RBFOX3: variants seen among roughly 807,000 people sequenced by gnomAD.
The protein encoded by RBFOX3 is RNA binding protein fox-1 homolog 3.
A neutral mutation model predicts 48.7 loss-of-function variants in RBFOX3; 17 were observed. That is an observed-to-expected ratio of 0.35 (90% CI 0.24 to 0.52). The LOEUF (loss-of-function observed/expected upper bound fraction) is 0.52, where lower values mean the gene tolerates loss of function less well. RBFOX3 is among the 20% of genes least tolerant of loss of function. The pLI, the probability that RBFOX3 is intolerant of heterozygous loss-of-function variation, is 0.94. For synonymous variants in RBFOX3, 212 were observed against 209.5 expected (o/e 1.01, Z -0.10); for missense variants, 382 against 497.5 (o/e 0.77, Z 2.21).
At chr17:79,248,174 A>G (rs2063434497) in intron 3 of RBFOX3, among the ~76,000 whole-genome samples, 1 of 152,124 alleles carries the variant, frequency 6.6e-6, no homozygotes, top group African/African-American at 2.4e-5. Flanking sequence ...ACAAACCCCA[A>G]GAAGACTTCT....
chr17:79,337,941 ATT>A (rs1159109203), intron 2 of RBFOX3, among the ~76,000 whole-genome samples: 5 of 139,860 alleles, frequency 3.6e-5, no homozygotes, highest in Non-Finnish European at 3.1e-5. Flanking sequence ...ACTTCTCCAG[ATT>A]TTTTTTTTTT....
In RBFOX3 at chr17:79,477,257, TAAA is replaced by T. The variant is rs138984353; in HGVS notation, c.-175+5194_-175+5196del. The stretch of plus-strand genomic sequence containing the variant: ...CAAAAAAAAATAAATAAAGATAAAT[TAAA>T]AAAAAAAAAAAAAAAAGAGGGCGCG... On this transcript the variant is annotated intron_variant, in intron 2 of 14. Coordinates refer to ENST00000693108, the MANE Select transcript of RBFOX3 (RefSeq NM_001350451.2). This position sits in a 1 kb window ranked among gnomAD's most constrained non-coding sequence, Gnocchi z 4.8. Among the ~76,000 whole-genome samples, 3 of 113,314 alleles carry T rather than the reference TAAA, an allele frequency of 2.6e-5. No homozygotes were observed. Among genetic ancestry groups the T allele is most frequent in the African/African-American group, 3.5e-5 (1 of 28,596 alleles). 74.3% of individuals were successfully genotyped at this position (113,314 alleles called of 152,430 possible). A position where few individuals can be genotyped will look rare whatever the true frequency, so the allele number is the denominator to read the frequency against.
At chr17:79,619,746 G>C in the RBFOX3 span, among the ~76,000 whole-genome samples, 150,510 of 152,138 alleles carry the variant, frequency 0.99, 74,469 homozygotes, top group Non-Finnish European at 1. Flanking sequence ...TCCACGTCCC[G>C]GACGGACAGG....
At chr17:79,258,540 C>G (rs4789876) in intron 3 of RBFOX3, among the ~76,000 whole-genome samples, 140,074 of 152,230 alleles carry the variant, frequency 0.92, 64,727 homozygotes, top group East Asian at 1. Context: ...GGTTCCCCAG[C>G]CTGGATGGAG....
chr17:79,553,773 C>T (rs1253796817), intron 1 of RBFOX3, among the ~76,000 whole-genome samples: 1 of 151,928 alleles, frequency 6.6e-6, no homozygotes, highest in Non-Finnish European at 1.5e-5. Context: ...CTCTCTGTTG[C>T]CCAGGCTGGA....
chr17:79,341,965 C>T (rs963457319), intron 2 of RBFOX3, among the ~76,000 whole-genome samples: 1 of 152,202 alleles, frequency 6.6e-6, no homozygotes, highest in Admixed American at 6.5e-5. Context: ...TGGCTTTGGC[C>T]CCCAAGGCTG....
intron 4 of RBFOX3, among the ~76,000 whole-genome samples, chr17:79,201,841 G>A (rs572926862): frequency 1.2e-4 from 19 of 152,284 alleles, no homozygotes; most frequent in African/African-American, 4.6e-4. Context: ...GGAGATTGAC[G>A]AAGAGCCTGG....
intron 4 of RBFOX3, among the ~76,000 whole-genome samples, chr17:79,206,448 GAC>G (rs1281315330): frequency 1.3e-5 from 2 of 152,174 alleles, no homozygotes; most frequent in African/African-American, 2.4e-5. Context: ...CTCATTGAGA[GAC>G]ACAGCACTGA....
intron 4 of RBFOX3, among the ~76,000 whole-genome samples, chr17:79,157,322 A>G (rs1430429356): frequency 6.6e-6 from 1 of 152,168 alleles, no homozygotes; most frequent in Non-Finnish European, 1.5e-5. Flanking sequence ...AAGAGCCCAC[A>G]GTTGTCCATC....
At chr17:79,458,034 T>A (rs1337766444) in intron 2 of RBFOX3, among the ~76,000 whole-genome samples, 1 of 152,188 alleles carries the variant, frequency 6.6e-6, no homozygotes. Flanking sequence ...CTCGCAATCA[T>A]GCAACCAGGC....
chr17:79,290,275 T>C (rs566398605), intron 3 of RBFOX3, among the ~76,000 whole-genome samples: 1 of 151,704 alleles, frequency 6.6e-6, no homozygotes, highest in East Asian at 1.9e-4. Flanking sequence ...AAGGAAGGAA[T>C]GAGAGGCAGG....
upstream of RBFOX3, among the ~76,000 whole-genome samples, chr17:79,611,186 T>TCG (rs2093965744): frequency 1.4e-4 from 2 of 13,930 alleles, no homozygotes; most frequent in Non-Finnish European, 2.6e-3. Flanking sequence ...GCCCTCCTTC[T>TCG]CTCTCTCTCT....
intron 6 of RBFOX3, among the ~76,000 whole-genome samples, chr17:79,104,555 G>A (rs1220356575): frequency 6.6e-6 from 1 of 152,212 alleles, no homozygotes; most frequent in Non-Finnish European, 1.5e-5. Flanking sequence ...TTACAGTGGG[G>A]ATAGGGTACC....
intron 4 of RBFOX3, among the ~76,000 whole-genome samples, chr17:79,160,862 C>T (rs1280662823): frequency 6.6e-6 from 1 of 151,914 alleles, no homozygotes; most frequent in Non-Finnish European, 1.5e-5. Flanking sequence ...CACCTGTAAT[C>T]CCAACTACTT....
At chr17:79,268,693 C>T (rs1472754237) in intron 3 of RBFOX3, among the ~76,000 whole-genome samples, 1 of 152,210 alleles carries the variant, frequency 6.6e-6, no homozygotes, top group Non-Finnish European at 1.5e-5. Context: ...TGACCCATGG[C>T]TCTGGCATCC....
intron 3 of RBFOX3, among the ~76,000 whole-genome samples, chr17:79,266,474 GCTAAGTTT>G (rs2066727813): frequency 6.6e-6 from 1 of 152,202 alleles, no homozygotes; most frequent in Non-Finnish European, 1.5e-5. Context: ...GGAATTGTTT[GCTAAGTTT>G]CTGTGTTCTG....
At chr17:79,192,940 G>C (rs1041835895) in intron 4 of RBFOX3, among the ~76,000 whole-genome samples, 1 of 152,222 alleles carries the variant, frequency 6.6e-6, no homozygotes, top group Non-Finnish European at 1.5e-5. Context: ...GACCCCCAGA[G>C]GGAAGCAGGC....
chr17:79,226,996 C>T (rs578255891), intron 4 of RBFOX3, among the ~76,000 whole-genome samples: 66 of 152,284 alleles, frequency 4.3e-4, no homozygotes, highest in African/African-American at 1.2e-3. Context: ...CTGGCCTGCG[C>T]GGAGCATCTG....
At chr17:79,117,196 C>T (rs2034284577) in intron 4 of RBFOX3, among the ~76,000 whole-genome samples, 1 of 152,218 alleles carries the variant, frequency 6.6e-6, no homozygotes, top group Non-Finnish European at 1.5e-5. Context: ...GGTGAGGAGG[C>T]CCCACTGCCT....
Sources: gnomAD v4.1 joint callset for allele counts (sites outside exome capture counted in the v4.1 genomes callset) on GRCh38, gnomAD v4.1.1 for gene constraint, Gnocchi (gnomAD v3.1) non-coding constraint, MANE v1.5 for transcripts, NCBI Gene and HGNC (gene_info 2026-07-23, HGNC 2026-07-21) for gene names.